Variants in KCNJ15 observed in about 807,000 individuals in gnomAD.
KCNJ15 encodes ATP-sensitive inward rectifier potassium channel 15.
A neutral mutation model predicts 23.0 loss-of-function variants in KCNJ15; 14 were observed. The observed-to-expected ratio is 0.61, with a 90% CI of 0.40 to 0.95. KCNJ15 has a LOEUF of 0.95. KCNJ15 is among the 40% of genes least tolerant of loss of function. KCNJ15 has a pLI of 0.00. For missense variants in KCNJ15, 388 were observed against 461.8 expected (o/e 0.84, Z 1.46); for synonymous variants, 185 against 183.2 (o/e 1.01, Z -0.08).
At chr21:38,242,009 C>T (rs1979039102) in intron 1 of KCNJ15, among the ~76,000 whole-genome samples, 1 of 151,262 alleles carries the variant, frequency 6.6e-6, no homozygotes, top group African/African-American at 2.4e-5. Context: ...CCCTTGCTCC[C>T]TTTTTGCCCT....
rs1282558705 is a variant in KCNJ15, at chr21:38,299,133, C to A, written c.-18-111C>A. The stretch of plus-strand genomic sequence containing the variant: ...CAGTTAATCTTGCCTTCAGAATTCT[C>A]CTTTCTTGTGTACTTCCATGTACAT... On this transcript the variant is annotated intron_variant, in intron 2 of 2. Coordinates refer to ENST00000398938, the MANE Select transcript of KCNJ15 (RefSeq NM_170736.3). The surrounding 1 kb of genome is among the most constrained non-coding windows in gnomAD (Gnocchi z 4.5). 3 of 857,630 alleles carry A rather than the reference C, an allele frequency of 3.5e-6. No individual in the cohort carries two copies. Among genetic ancestry groups the A allele is most frequent in the East Asian group, 5.1e-5 (2 of 39,564 alleles). The allele number at this position is 857,630 out of a possible 1,614,324, so 53.1% of individuals were successfully genotyped here.
chr21:38,242,378 C>T (rs974560552), intron 1 of KCNJ15, among the ~76,000 whole-genome samples: 1 of 152,082 alleles, frequency 6.6e-6, no homozygotes, highest in South Asian at 2.1e-4. Context: ...TTACTGTGAA[C>T]CAAGATTGCA....
At chr21:38,273,824 A>G (rs1982352671) in intron 1 of KCNJ15, among the ~76,000 whole-genome samples, 1 of 152,218 alleles carries the variant, frequency 6.6e-6, no homozygotes, top group African/African-American at 2.4e-5. Flanking sequence ...CTGGAAGAAG[A>G]CTTTGAGGTC....
At chr21:38,273,626 G>C (rs1378665837) in intron 1 of KCNJ15, among the ~76,000 whole-genome samples, 1 of 152,156 alleles carries the variant, frequency 6.6e-6, no homozygotes, top group Non-Finnish European at 1.5e-5. Flanking sequence ...TATTTTCACA[G>C]GGCAATTTAT....
At chr21:38,276,834 A>G (rs1285281242) in intron 1 of KCNJ15, among the ~76,000 whole-genome samples, 3 of 152,174 alleles carry the variant, frequency 2.0e-5, no homozygotes, top group Admixed American at 6.5e-5. Flanking sequence ...TGATCAAGGC[A>G]TTTACATCCT....
In KCNJ15 at chr21:38,232,309, C is replaced by T. The variant is rs187873043; in HGVS notation, c.-398-24737C>T. 1.6e-3 allele frequency among the ~76,000 whole-genome samples: 247 copies of T among 151,694 alleles called. 1 individual carries two copies. Among genetic ancestry groups the T allele is most frequent in the Non-Finnish European group, 2.8e-3 (191 of 67,690 alleles). ...GTAATAATATTCCCTCTTTAATTCT[C>T]GATTTTAATAATTTGAGTCTTCTCT... On this transcript the variant is annotated intron_variant, in intron 1 of 4. Transcript: ENST00000547341.
Position 38,277,414 on chromosome 21 carries a change from A to C in KCNJ15, c.-116-19512A>C, listed in dbSNP as rs185224746. Among the ~76,000 whole-genome samples, 192 of 152,324 alleles carry C rather than the reference A, an allele frequency of 1.3e-3. No individual in the cohort carries two copies. In the Middle Eastern group the frequency reaches 0.02, roughly 16 times the overall value. ...TGCACGTGCGTTTAGGGGCGAGTCA[A>C]ATTAAATGAATGAGGAGCTGATGTT... On this transcript the variant is annotated intron_variant, in intron 1 of 2. Coordinates refer to ENST00000398938, the MANE Select transcript of KCNJ15 (RefSeq NM_170736.3).
At chr21:38,282,596 G>A (rs972978736) in intron 1 of KCNJ15, among the ~76,000 whole-genome samples, 2 of 152,128 alleles carry the variant, frequency 1.3e-5, no homozygotes, top group African/African-American at 4.8e-5. Context: ...GCTGTGGACT[G>A]GATTCCTCTC....
chr21:38,251,718 C>T (rs754721403), intron 1 of KCNJ15, among the ~76,000 whole-genome samples: 12 of 152,100 alleles, frequency 7.9e-5, no homozygotes, highest in Non-Finnish European at 1.8e-4. Context: ...AGAGGAATAG[C>T]GTGACCCATC....
Position 38,258,420 on chromosome 21 carries a change from C to T in KCNJ15, c.-117+1235C>T, listed in dbSNP as rs1469876162. Among the ~76,000 whole-genome samples, 5 of 152,182 alleles carry T rather than the reference C, an allele frequency of 3.3e-5. No homozygotes were observed. The East Asian group carries it at 5.8e-4, about 18-fold the overall frequency. ...TTACCTCACACACAGCTTCCCCGGG[C>T]GCTGTTCTTTCTTCCCATACCTTCT... On this transcript the variant is annotated intron_variant, in intron 1 of 2. Coordinates refer to ENST00000398938, the MANE Select transcript of KCNJ15 (RefSeq NM_170736.3).
intron 1 of KCNJ15, among the ~76,000 whole-genome samples, chr21:38,230,917 A>G (rs759235160): frequency 4.6e-5 from 7 of 152,062 alleles, no homozygotes; most frequent in Non-Finnish European, 8.8e-5. Context: ...TTGAATTCCC[A>G]TATACATTCT....
At chr21:38,256,971 T>A (rs2123596647), upstream of KCNJ15, 1 of 135,684 alleles carries the variant, frequency 7.4e-6, no homozygotes, top group East Asian at 2.7e-4. Context: ...TGTCTCCCAA[T>A]CTCTTTCCTT....
chr21:38,280,406 T>C (rs527685475), intron 1 of KCNJ15, among the ~76,000 whole-genome samples: 20 of 152,292 alleles, frequency 1.3e-4, no homozygotes, highest in African/African-American at 4.8e-4. Flanking sequence ...CAGGCAATAG[T>C]GTGTGGGTGT....
chr21:38,240,570 T>A (rs1978929747), intron 1 of KCNJ15, among the ~76,000 whole-genome samples: 1 of 152,258 alleles, frequency 6.6e-6, no homozygotes, highest in Admixed American at 6.5e-5. Context: ...ATATCCATTA[T>A]GTTACAGGGA....
In KCNJ15 at chr21:38,305,066, G is replaced by A. The variant is rs1185770033; in HGVS notation, c.*4677G>A. The A allele has an allele frequency of 6.9e-5, 4 of 57,736 alleles. No homozygotes were observed. The highest frequency in any genetic ancestry group is 1.5e-4 in the Non-Finnish European group (4 of 25,940). The allele number at this position is 57,736 out of a possible 1,614,324, so 3.6% of individuals were successfully genotyped here. ...CTGCACTCCAGCCTGGGCAACAAAAGTAAAACTCCGTCTCAAAAAAAAAAA... is the reference window on the plus strand; with the variant it reads ...CTGCACTCCAGCCTGGGCAACAAAAATAAAACTCCGTCTCAAAAAAAAAAA... On this transcript the variant is annotated 3_prime_UTR_variant, in exon 3 of 3. Coordinates refer to ENST00000398938, the MANE Select transcript of KCNJ15 (RefSeq NM_170736.3).
chr21:38,236,373 T>TTA (rs1978602038), intron 1 of KCNJ15, among the ~76,000 whole-genome samples: 1 of 152,238 alleles, frequency 6.6e-6, no homozygotes, highest in South Asian at 2.1e-4. Context: ...CTTAATGACT[T>TTA]TTTAGAGTAT....
At chr21:38,271,965 G>A (rs1052865924) in intron 1 of KCNJ15, among the ~76,000 whole-genome samples, 1 of 152,130 alleles carries the variant, frequency 6.6e-6, no homozygotes, top group African/African-American at 2.4e-5. Context: ...CCTGCGATCC[G>A]GTGCCACAAT....
intron 1 of KCNJ15, among the ~76,000 whole-genome samples, chr21:38,265,367 T>C (rs1443879731): frequency 1.3e-5 from 2 of 152,230 alleles, no homozygotes; most frequent in African/African-American, 4.8e-5. Context: ...GATATGTACA[T>C]TTAAACATGA....
intron 1 of KCNJ15, among the ~76,000 whole-genome samples, chr21:38,282,595 TGGATTCCTCTCTG>T (rs1286662559): frequency 1.3e-5 from 2 of 152,310 alleles, no homozygotes; most frequent in East Asian, 1.9e-4. Context: ...AGCTGTGGAC[TGGATTCCTCTCTG>T]GGATTCCTCT....
Sources: gnomAD v4.1 joint callset for allele counts (sites outside exome capture counted in the v4.1 genomes callset) on GRCh38, gnomAD v4.1.1 for gene constraint, Gnocchi (gnomAD v3.1) non-coding constraint, MANE v1.5 for transcripts, NCBI Gene and HGNC (gene_info 2026-07-23, HGNC 2026-07-21) for gene names.